The following STK32B variants were observed in gnomAD, a reference collection of about 807,000 sequenced individuals.
STK32B encodes serine/threonine-protein kinase 32B.
STK32B carries 43 observed loss-of-function variants against 52.6 expected under a neutral mutation model. The observed-to-expected ratio is 0.82, with a 90% CI of 0.64 to 1.05. The LOEUF (loss-of-function observed/expected upper bound fraction) is 1.05. Ranked by LOEUF, STK32B falls within the 50% of genes least tolerant of loss-of-function variation. STK32B has a pLI of 0.00. For synonymous variants in STK32B, 238 were observed against 204.3 expected, an observed-to-expected ratio of 1.17 and a Z score of -1.41; for missense variants, 621 against 534.6, an observed-to-expected ratio of 1.16 and a Z score of -1.59.
chr4:5,211,172 T>G (rs1274400138), intron 3 of STK32B, among the ~76,000 whole-genome samples: 2 of 152,214 alleles, frequency 1.3e-5, no homozygotes, highest in Non-Finnish European at 2.9e-5. Context: ...ATTCCTTCAG[T>G]AAAGAACTTC....
intron 3 of STK32B, among the ~76,000 whole-genome samples, chr4:5,225,035 T>C (rs1303546042): frequency 6.6e-6 from 1 of 152,208 alleles, no homozygotes; most frequent in African/African-American, 2.4e-5. Flanking sequence ...AAAATGTTTG[T>C]TCCAAGGACC....
At chr4:5,415,660 A>T (rs573872418) in intron 5 of STK32B, among the ~76,000 whole-genome samples, 2 of 152,334 alleles carry the variant, frequency 1.3e-5, no homozygotes, top group East Asian at 3.9e-4. Context: ...TCCTCACTGA[A>T]TAAATACCTT....
At chr4:5,248,890 G>A (rs4380464) in intron 3 of STK32B, among the ~76,000 whole-genome samples, 10,444 of 150,908 alleles carry the variant, frequency 0.069, 525 homozygotes, top group African/African-American at 0.14. Flanking sequence ...ACACTTGGAC[G>A]CAGGAAGGGG....
At chr4:5,282,602 GA>G (rs1347768940) in intron 3 of STK32B, among the ~76,000 whole-genome samples, 1 of 152,128 alleles carries the variant, frequency 6.6e-6, no homozygotes, top group Non-Finnish European at 1.5e-5. Context: ...GTGATGAGAT[GA>G]AGTGAGGGGA....
Position 5,359,416 on chromosome 4 carries a change from C to T in STK32B, c.434+28023C>T, listed in dbSNP as rs907324518. The stretch of plus-strand genomic sequence containing the variant: ...CCCTCCCTCCCTCCCTCCCTCCATC[C>T]ACCTGTGCACTCAATAGTGATGTAC... On this transcript the variant is annotated intron_variant, in intron 4 of 11. Coordinates refer to ENST00000282908, the MANE Select transcript of STK32B (RefSeq NM_018401.3). Among the ~76,000 whole-genome samples, 6 of 146,274 alleles carry T rather than the reference C, an allele frequency of 4.1e-5. No homozygotes were observed. The South Asian group carries it at 1.4e-3, about 35-fold the overall frequency.
chr4:5,249,509 C>T (rs10027681), intron 3 of STK32B, among the ~76,000 whole-genome samples: 292 of 136,332 alleles, frequency 2.1e-3, no homozygotes, highest in Middle Eastern at 0.011. Context: ...CTTCCTCCCT[C>T]CCTTCCTTTA....
chr4:5,070,372 C>T (rs1374303788), intron 1 of STK32B, among the ~76,000 whole-genome samples: 1 of 152,004 alleles, frequency 6.6e-6, no homozygotes, highest in Admixed American at 6.6e-5. Context: ...CTTGGCAGCC[C>T]CTATGGAGAG....
intron 2 of STK32B, among the ~76,000 whole-genome samples, chr4:5,149,962 T>G (rs188879270): frequency 6.6e-6 from 1 of 152,124 alleles, no homozygotes; most frequent in East Asian, 1.9e-4. Context: ...TTATTTCTCC[T>G]TCTTTCTTGA....
At chr4:5,320,342 G>C (rs1296709871) in intron 3 of STK32B, among the ~76,000 whole-genome samples, 1 of 152,136 alleles carries the variant, frequency 6.6e-6, no homozygotes, top group Non-Finnish European at 1.5e-5. Context: ...TTGGTCCAGT[G>C]CCTCTTGATT....
chr4:5,187,223 C>T (rs1055625040), intron 3 of STK32B, among the ~76,000 whole-genome samples: 1 of 152,178 alleles, frequency 6.6e-6, no homozygotes, highest in African/African-American at 2.4e-5. Flanking sequence ...TTCTCCCGCA[C>T]CACAACACAG....
chr4:5,431,801 CA>C (rs1713609063), intron 6 of STK32B, among the ~76,000 whole-genome samples: 1 of 152,126 alleles, frequency 6.6e-6, no homozygotes, highest in South Asian at 2.1e-4. Context: ...CATGTTATCT[CA>C]AATTAATATG....
chr4:5,496,456 C>T (rs574367145), intron 11 of STK32B, among the ~76,000 whole-genome samples: 62 of 152,178 alleles, frequency 4.1e-4, no homozygotes, highest in Non-Finnish European at 6.6e-4. Flanking sequence ...GGGAGTGACC[C>T]GATTTTCCAG....
chr4:5,272,123 A>G (rs1374807309), intron 3 of STK32B, among the ~76,000 whole-genome samples: 5 of 146,718 alleles, frequency 3.4e-5, no homozygotes, highest in African/African-American at 5.3e-5. Flanking sequence ...TCCATTCAGT[A>G]TGATATTGGC....
chr4:5,480,049 A>G (rs535766492), intron 11 of STK32B, among the ~76,000 whole-genome samples: 4 of 152,326 alleles, frequency 2.6e-5, no homozygotes, highest in Admixed American at 6.5e-5. Flanking sequence ...CGTAAGAACA[A>G]ATGGCACACA....
chr4:5,321,794 C>T (rs1032084481), intron 3 of STK32B, among the ~76,000 whole-genome samples: 1 of 152,116 alleles, frequency 6.6e-6, no homozygotes, highest in Non-Finnish European at 1.5e-5. Context: ...CCTCATCACG[C>T]GACTGCTCCT....
At chr4:5,331,756 T>A (rs1732265626) in intron 4 of STK32B, among the ~76,000 whole-genome samples, 1 of 152,154 alleles carries the variant, frequency 6.6e-6, no homozygotes, top group Admixed American at 6.5e-5. Flanking sequence ...CTACTCTCTT[T>A]TTTTCTGTAC....
In STK32B at chr4:5,479,530, G is replaced by T. The variant is rs557527709; in HGVS notation, c.1106+11460G>T. 2.0e-5 allele frequency among the ~76,000 whole-genome samples: 3 copies of T among 152,326 alleles called. No individual in the cohort carries two copies. The East Asian group carries it at 5.8e-4, about 29-fold the overall frequency. ...GACCTAAGGCCAGTGGAGGTGGAGT[G>T]GAGATGGAGCTCTCAGGCAGCAGAT... is the stretch of plus-strand genomic sequence containing the variant. On this transcript the variant is annotated intron_variant, in intron 11 of 11. Coordinates refer to ENST00000282908, the MANE Select transcript of STK32B (RefSeq NM_018401.3).
intron 8 of STK32B, chr4:5,458,678 C>G (rs1414205348): frequency 6.5e-6 from 1 of 153,040 alleles, no homozygotes; most frequent in South Asian, 2.1e-4. Context: ...CAGGGCAGCA[C>G]AGCTACTCAT....
At chr4:5,262,808 A>G (rs1156666921) in intron 3 of STK32B, among the ~76,000 whole-genome samples, 3 of 152,224 alleles carry the variant, frequency 2.0e-5, no homozygotes, top group Non-Finnish European at 4.4e-5. Flanking sequence ...TGCAGAGCTT[A>G]TCTCTGAGTG....
Sources: gnomAD v4.1 joint callset for allele counts (sites outside exome capture counted in the v4.1 genomes callset) on GRCh38, gnomAD v4.1.1 for gene constraint, MANE v1.5 for transcripts, NCBI Gene and HGNC (gene_info 2026-07-23, HGNC 2026-07-21) for gene names.